The following CRYBA4 variants were observed in gnomAD, a reference collection of about 807,000 sequenced individuals.
CRYBA4 encodes the protein crystallin beta A4, also known as beta-crystallin A4.
CRYBA4 carries 30 observed loss-of-function variants against 31.7 expected under a neutral mutation model. The ratio of observed to expected loss-of-function variants is 0.95; its 90% CI spans 0.71 to 1.28. The LOEUF (loss-of-function observed/expected upper bound fraction) is 1.28, where lower values mean the gene tolerates loss of function less well. CRYBA4 is among the 50% of genes most tolerant of loss of function. The pLI, the probability that CRYBA4 is intolerant of heterozygous loss-of-function variation, is 0.00. For missense variants in CRYBA4, 225 were observed against 260.7 expected (o/e 0.86, Z 0.94); for synonymous variants, 102 against 102.3 (o/e 1.00, Z 0.02).
the CRYBA4 span, among the ~76,000 whole-genome samples, chr22:26,603,629 G>T: frequency 0.17 from 26,026 of 151,976 alleles, 2,505 homozygotes; most frequent in East Asian, 0.31. Flanking sequence ...GCCTGGCCGG[G>T]CGCGGTGGCT....
At chr22:26,610,403 C>T in the CRYBA4 span, among the ~76,000 whole-genome samples, 54 of 152,250 alleles carry the variant, frequency 3.5e-4, no homozygotes, top group African/African-American at 1.3e-3. Flanking sequence ...ACCACAGGCC[C>T]GTTTCCATGC....
At chr22:26,624,125 A>G (rs1031806973) in intron 3 of CRYBA4, among the ~76,000 whole-genome samples, 2 of 152,068 alleles carry the variant, frequency 1.3e-5, no homozygotes, top group African/African-American at 4.8e-5. Flanking sequence ...GCCAGTAGCT[A>G]CCATATTGGA....
intron 4 of CRYBA4, among the ~76,000 whole-genome samples, chr22:26,627,739 C>T (rs1433175365): frequency 6.6e-6 from 1 of 151,696 alleles, no homozygotes; most frequent in African/African-American, 2.4e-5. Context: ...ACCTCTGCCT[C>T]CCAGGTTCAA....
In CRYBA4 at chr22:26,628,362, C is replaced by T. The variant is rs2145984102; in HGVS notation, c.375C>T (p.Asp125=). Residue 125 remains aspartate (D), a synonymous_variant, in exon 5 of 6, where the codon GAC becomes GAT. Transcript: ENST00000354760. ...FLGKKGELSD[D]YPSLQAMGWE... ...GCAAGAAAGGAGAGCTGAGCGATGA[C>T]TATCCTTCCCTCCAGGCCATGGGAT... 2 of 1,614,046 alleles carry T rather than the reference C, an allele frequency of 1.2e-6. No individual in the cohort carries two copies. The highest frequency in any genetic ancestry group is 1.7e-5 in the Admixed American group (1 of 60,012).
At chr22:26,611,600 G>A in the CRYBA4 span, among the ~76,000 whole-genome samples, 6 of 151,040 alleles carry the variant, frequency 4.0e-5, no homozygotes, top group Non-Finnish European at 8.8e-5. Flanking sequence ...TCAGCCTCCC[G>A]AGTAGCTGGG....
chr22:26,606,682 A>C, the CRYBA4 span, among the ~76,000 whole-genome samples: 1 of 152,266 alleles, frequency 6.6e-6, no homozygotes, highest in East Asian at 1.9e-4. Flanking sequence ...GATCTGTTTG[A>C]ATAATCCATT....
chr22:26,595,814 C>T, the CRYBA4 span, among the ~76,000 whole-genome samples: 1 of 151,458 alleles, frequency 6.6e-6, no homozygotes, highest in Non-Finnish European at 1.5e-5. Flanking sequence ...GCTCTGTTCC[C>T]CAGACTGGAG....
the CRYBA4 span, among the ~76,000 whole-genome samples, chr22:26,613,019 C>A: frequency 6.6e-6 from 1 of 152,164 alleles, no homozygotes; most frequent in Non-Finnish European, 1.5e-5. Flanking sequence ...ATTACCCAGC[C>A]CCTCCAAAGA....
At position 26,630,344 on chromosome 22, in the gene CRYBA4, G is replaced by A; in HGVS notation, c.448G>A (p.Val150Ile). 2 of 1,614,170 alleles carry A rather than the reference G, an allele frequency of 1.2e-6. No homozygotes were observed. The highest frequency in any genetic ancestry group is 1.7e-6 in the Non-Finnish European group (2 of 1,180,008). Residue 150 changes from valine (V) to isoleucine (I), a missense_variant, in exon 6 of 6, where the codon GTT becomes ATT. Val to Ile is a conservative substitution (Grantham distance 29). Coordinates refer to ENST00000354760, the MANE Select transcript of CRYBA4 (RefSeq NM_001886.3). ...GSFHVHSGAW[V>I]CSQFPGYRGF... is the part of the protein sequence containing the mutation. ...TCTGCCTTTTCTCTTTTCCAGCTGG[G>A]TTTGCTCCCAGTTTCCGGGCTACCG...
intron 5 of CRYBA4, among the ~76,000 whole-genome samples, chr22:26,629,943 A>G (rs932599009): frequency 8.5e-4 from 22 of 25,898 alleles, no homozygotes; most frequent in African/African-American, 1.5e-3. Context: ...TGAACAAAAC[A>G]TACACGTTCC....
At chr22:26,624,480 AG>A in intron 3 of CRYBA4, among the ~76,000 whole-genome samples, 2 of 152,236 alleles carry the variant, frequency 1.3e-5, no homozygotes, top group African/African-American at 4.8e-5. Flanking sequence ...AAGTTTGGAA[AG>A]TAGATAGGAG....
chr22:26,623,333 T>G lies in CRYBA4; in HGVS notation c.139T>G (p.Leu47Val), dbSNP rs1929601555. Residue 47 changes from leucine (L) to valine (V), a missense_variant, in exon 3 of 6, where the codon TTG (leucine) becomes GTG (valine). Physicochemically the swap from Leu to Val is conservative, Grantham distance 32. Transcript: ENST00000354760. ...GCTTGGCTTCGAGACTGTGCGATCT[T>G]TGAAAGTGCTGAGTGGAGCGTGAGT... ...LELGFETVRSLKVLSGAWVGF... is the reference protein window; with the variant it reads ...LELGFETVRSVKVLSGAWVGF... 1 of 1,613,864 alleles carries G rather than the reference T, an allele frequency of 6.2e-7. No homozygotes were observed. Among genetic ancestry groups the G allele is most frequent in the Non-Finnish European group, 8.5e-7 (1 of 1,179,896 alleles).
chr22:26,615,202 G>C, the CRYBA4 span, among the ~76,000 whole-genome samples: 2 of 152,216 alleles, frequency 1.3e-5, no homozygotes, highest in African/African-American at 4.8e-5. Flanking sequence ...ACCTGAGGTT[G>C]AAACCACACC....
the CRYBA4 span, among the ~76,000 whole-genome samples, chr22:26,603,134 A>AC: frequency 6.8e-6 from 1 of 146,420 alleles, no homozygotes; most frequent in Non-Finnish European, 1.5e-5. Flanking sequence ...TCAAAAAAAA[A>AC]AAAAAAAAAA....
chr22:26,590,950 C>T, the CRYBA4 span, among the ~76,000 whole-genome samples: 1 of 152,192 alleles, frequency 6.6e-6, no homozygotes, highest in African/African-American at 2.4e-5. Context: ...ATCTATGCAT[C>T]GTATGCTTGT....
chr22:26,612,689 A>G, the CRYBA4 span, among the ~76,000 whole-genome samples: 11 of 152,338 alleles, frequency 7.2e-5, no homozygotes, highest in East Asian at 1.9e-4. Flanking sequence ...CTGCGCCATC[A>G]TTAGGAACTT....
the CRYBA4 span, among the ~76,000 whole-genome samples, chr22:26,591,466 CAAAAA>C: frequency 8.9e-6 from 1 of 112,326 alleles, no homozygotes; most frequent in African/African-American, 3.6e-5. Flanking sequence ...GACTCTGTCT[CAAAAA>C]AAAAAAAAAA....
the CRYBA4 span, among the ~76,000 whole-genome samples, chr22:26,611,477 T>G: frequency 2.0e-5 from 3 of 148,406 alleles, no homozygotes; most frequent in African/African-American, 2.4e-5. Flanking sequence ...TTGTTTTTTT[T>G]TTTTTTTTGA....
At chr22:26,618,383 C>T (rs778064157), upstream of CRYBA4, among the ~76,000 whole-genome samples, 3 of 152,196 alleles carry the variant, frequency 2.0e-5, no homozygotes, top group Non-Finnish European at 2.9e-5. Context: ...AGCCACTGCG[C>T]GCTGTGTGGC....
Sources: gnomAD v4.1 joint callset for allele counts (sites outside exome capture counted in the v4.1 genomes callset) on GRCh38, gnomAD v4.1.1 for gene constraint, MANE v1.5 for transcripts, NCBI Gene and HGNC (gene_info 2026-07-23, HGNC 2026-07-21) for gene names.